Variants in IL22RA2 observed in about 807,000 individuals in gnomAD.
IL22RA2 encodes interleukin-22 receptor subunit alpha-2.
In IL22RA2, 39 loss-of-function variants were observed where a neutral mutation model predicts 30.7. The ratio of observed to expected loss-of-function variants is 1.27; its 90% CI spans 0.98 to 1.66. IL22RA2 has a LOEUF of 1.66. IL22RA2 is among the 40% of genes most tolerant of loss of function. IL22RA2 has a pLI of 0.00. For synonymous variants in IL22RA2, 103 were observed against 105.0 expected, an observed-to-expected ratio of 0.98 and a Z score of 0.11; for missense variants, 315 against 312.7, an observed-to-expected ratio of 1.01 and a Z score of -0.05.
chr6:137,170,450 C>T (rs936857201), intron 1 of IL22RA2, among the ~76,000 whole-genome samples: 10 of 152,166 alleles, frequency 6.6e-5, no homozygotes, highest in African/African-American at 1.4e-4. Flanking sequence ...AAGTTTATTA[C>T]AGGCCCAGTG....
At chr6:137,147,955 T>C in intron 5 of IL22RA2, 64 bp from the exon 6 acceptor site, 2 of 1,434,122 alleles carry the variant, frequency 1.4e-6, no homozygotes, top group Non-Finnish European at 1.9e-6. Flanking sequence ...AGACGCATTA[T>C]GTATAATGAC....
chr6:137,158,926 C>T (rs1778465518), intron 2 of IL22RA2, among the ~76,000 whole-genome samples: 1 of 152,180 alleles, frequency 6.6e-6, no homozygotes, highest in South Asian at 2.1e-4. Context: ...CAGCCCAGCA[C>T]TCAGTCCCTC....
At chr6:137,159,620 G>C (rs1052383704) in intron 2 of IL22RA2, among the ~76,000 whole-genome samples, 1 of 152,160 alleles carries the variant, frequency 6.6e-6, no homozygotes, top group Non-Finnish European at 1.5e-5. Flanking sequence ...ACTGCACCCG[G>C]CCAGGAAGCA....
intron 5 of IL22RA2, among the ~76,000 whole-genome samples, chr6:137,153,210 G>C (rs1778327368): frequency 1.3e-5 from 2 of 152,140 alleles, no homozygotes; most frequent in Non-Finnish European, 1.5e-5. Context: ...TTATGACAAA[G>C]AACTTAAGTT....
At position 137,173,200 on chromosome 6, in the gene IL22RA2, C is replaced by T. The variant is rs1331222857; in HGVS notation, c.-66+213G>A. Among the ~76,000 whole-genome samples the T allele has an allele frequency of 3.3e-5, 5 of 152,174 alleles. No homozygotes were observed. In the East Asian group the frequency reaches 5.8e-4, roughly 18 times the overall value. On this transcript the variant is annotated intron_variant, in intron 1 of 6. Coordinates refer to ENST00000296980, the MANE Select transcript of IL22RA2 (RefSeq NM_052962.3). ...CAGCCTGGCCAACATGGTGCAACCC[C>T]GTCTGTACTAAAAATACAAAAATTA... is the stretch of plus-strand genomic sequence containing the variant.
At position 137,166,700 on chromosome 6, in the gene IL22RA2, T is replaced by C. The variant is rs184549048; in HGVS notation, c.-65-4886A>G. ...AAGGAAGTTGGTGGAAGTTCTCAAATGGGAGGCTCGCCAGCTATCCCAGAA... is the reference window on the plus strand; with the variant it reads ...AAGGAAGTTGGTGGAAGTTCTCAAACGGGAGGCTCGCCAGCTATCCCAGAA... On this transcript the variant is annotated intron_variant, in intron 1 of 6. Coordinates refer to ENST00000296980, the MANE Select transcript of IL22RA2 (RefSeq NM_052962.3). Among the ~76,000 whole-genome samples the C allele has an allele frequency of 3.3e-5, 5 of 152,322 alleles. No individual in the cohort carries two copies. The East Asian group carries it at 7.7e-4, about 23-fold the overall frequency.
chr6:137,151,814 A>G (rs892844806), intron 5 of IL22RA2, among the ~76,000 whole-genome samples: 3 of 152,228 alleles, frequency 2.0e-5, no homozygotes, highest in African/African-American at 7.2e-5. Context: ...AACATCATTA[A>G]TTAGCAGGTA....
chr6:137,168,813 G>C (rs1388232015), intron 1 of IL22RA2, among the ~76,000 whole-genome samples: 2 of 152,126 alleles, frequency 1.3e-5, no homozygotes, highest in Non-Finnish European at 2.9e-5. Context: ...TATTCCTCTG[G>C]TCATCACAAA....
At chr6:137,164,947 C>T (rs1778599232) in intron 1 of IL22RA2, among the ~76,000 whole-genome samples, 1 of 151,008 alleles carries the variant, frequency 6.6e-6, no homozygotes, top group Admixed American at 6.6e-5. Context: ...CACAATCCTA[C>T]CTGGGTTGAT....
chr6:137,145,863 T>C, intron 6 of IL22RA2, 90 bp from the exon 7 acceptor site: 1 of 1,345,974 alleles, frequency 7.4e-7, no homozygotes, highest in Non-Finnish European at 1.1e-6. Flanking sequence ...TTGTACATGG[T>C]CACAGCAGTA....
intron 5 of IL22RA2, among the ~76,000 whole-genome samples, chr6:137,150,673 T>A (rs927163089): frequency 6.6e-6 from 1 of 152,174 alleles, no homozygotes; most frequent in African/African-American, 2.4e-5. Context: ...TAAATTTGAA[T>A]GTGACCCTAT....
chr6:137,155,879 C>T (rs367870657), intron 4 of IL22RA2, among the ~76,000 whole-genome samples: 5 of 152,128 alleles, frequency 3.3e-5, no homozygotes, highest in African/African-American at 1.2e-4. Context: ...TTTGAATACT[C>T]ACTCTCCACA....
chr6:137,149,007 A>G (rs1778235265), intron 5 of IL22RA2, among the ~76,000 whole-genome samples: 1 of 152,202 alleles, frequency 6.6e-6, no homozygotes, highest in East Asian at 1.9e-4. Flanking sequence ...ACCTCATAGC[A>G]CTTTACTCTT....
At chr6:137,147,186 C>CAAAAAAA (rs11313927) in intron 6 of IL22RA2, among the ~76,000 whole-genome samples, 2 of 70,872 alleles carry the variant, frequency 2.8e-5, no homozygotes, top group Non-Finnish European at 3.3e-5. Context: ...CTTGCCTCTA[C>CAAAAAAA]AAAAAAAAAA....
Position 137,147,722 on chromosome 6 carries a change from C to A in IL22RA2, c.642G>T (p.Lys214Asn). The change falls in exon 6 of 7, where the codon AAG (lysine) becomes AAT (asparagine). Residue 214 changes from lysine (K) to asparagine (N), a missense_variant and splice_region_variant. Lys to Asn is a moderately conservative substitution (Grantham distance 94, BLOSUM62 0). Transcript: ENST00000296980. The stretch of plus-strand genomic sequence containing the variant: ...AATATATCTATTCATCTGAACTTAC[C>A]TTTTCTAGTGAATTGTTAATTATAA... Reference protein sequence around the residue: ...RVFIINNSLEKEQKVYEGAHR... With the variant: ...RVFIINNSLENEQKVYEGAHR... 6.5e-7 allele frequency: 1 copy of A among 1,529,854 alleles called. No homozygotes were observed. Among genetic ancestry groups the A allele is most frequent in the Non-Finnish European group, 8.9e-7 (1 of 1,121,152 alleles). The allele number at this position is 1,529,854 out of a possible 1,614,324, so 94.8% of individuals were successfully genotyped here.
chr6:137,155,921 G>A (rs1778397051), intron 4 of IL22RA2, among the ~76,000 whole-genome samples: 1 of 152,144 alleles, frequency 6.6e-6, no homozygotes, highest in Non-Finnish European at 1.5e-5. Context: ...GGCTGTTTGT[G>A]GTTTTTCTCC....
chr6:137,169,212 G>A (rs569327389), intron 1 of IL22RA2, among the ~76,000 whole-genome samples: 2 of 152,334 alleles, frequency 1.3e-5, no homozygotes, highest in Admixed American at 6.5e-5. Context: ...AACTTGCCTA[G>A]GTCAACAATA....
chr6:137,159,114 G>T (rs533364418), intron 2 of IL22RA2, among the ~76,000 whole-genome samples: 1 of 152,306 alleles, frequency 6.6e-6, no homozygotes, highest in African/African-American at 2.4e-5. Flanking sequence ...CTGCTGGGGG[G>T]TAGTGTTTCT....
At chr6:137,150,006 T>C (rs1360966935) in intron 5 of IL22RA2, among the ~76,000 whole-genome samples, 1 of 152,194 alleles carries the variant, frequency 6.6e-6, no homozygotes, top group Non-Finnish European at 1.5e-5. Context: ...ATCCAAGTAA[T>C]TCTAGGGTCA....
Sources: allele counts gnomAD v4.1 joint callset (sites outside exome capture counted in the v4.1 genomes callset), GRCh38; gene constraint gnomAD v4.1.1; transcripts MANE v1.5; gene names NCBI Gene and HGNC (gene_info 2026-07-23, HGNC 2026-07-21).